BANP: variants seen among roughly 807,000 people sequenced by gnomAD.
BANP encodes the protein protein BANP.
In BANP, 11 loss-of-function variants were observed where a neutral mutation model predicts 68.1. That is an observed-to-expected ratio of 0.16 (90% CI 0.10 to 0.27). The LOEUF (loss-of-function observed/expected upper bound fraction) is 0.27, where lower values mean the gene tolerates loss of function less well. BANP is among the 10% of genes least tolerant of loss of function. The pLI, the probability that BANP is intolerant of heterozygous loss-of-function variation, is 1.00. For missense variants in BANP, 504 were observed against 722.7 expected (o/e 0.70, Z 3.47); for synonymous variants, 329 against 303.2 (o/e 1.09, Z -0.88).
intron 7 of BANP, among the ~76,000 whole-genome samples, chr16:88,025,923 G>A (rs2076899961): frequency 6.6e-6 from 1 of 152,218 alleles, no homozygotes; most frequent in Non-Finnish European, 1.5e-5. Context: ...GAGCCAGCTA[G>A]AGAGGCCACT....
At chr16:87,999,072 G>T (rs1253870008) in intron 4 of BANP, among the ~76,000 whole-genome samples, 1 of 141,798 alleles carries the variant, frequency 7.1e-6, no homozygotes, top group Non-Finnish European at 1.5e-5. Context: ...ACGTCTCCAT[G>T]CACGCACGTG....
chr16:87,958,283 T>A (rs147825661), intron 1 of BANP, among the ~76,000 whole-genome samples: 1 of 152,114 alleles, frequency 6.6e-6, no homozygotes, highest in Non-Finnish European at 1.5e-5. Flanking sequence ...ATCAATTGAG[T>A]GGGCCATGGC....
intron 4 of BANP, among the ~76,000 whole-genome samples, chr16:87,999,276 C>G (rs1311858547): frequency 1.4e-5 from 2 of 138,498 alleles, no homozygotes; most frequent in South Asian, 2.4e-4. Context: ...AGACACGTCT[C>G]CATGCATGCA....
intron 2 of BANP, among the ~76,000 whole-genome samples, chr16:87,976,181 G>C (rs2062085239): frequency 1.3e-5 from 2 of 152,334 alleles, no homozygotes; most frequent in Admixed American, 6.5e-5. Context: ...TTGGCAAATA[G>C]ATAAGTTCCT....
At chr16:88,074,795 C>T (rs1316355956) in intron 13 of BANP, among the ~76,000 whole-genome samples, 4 of 152,212 alleles carry the variant, frequency 2.6e-5, no homozygotes, top group African/African-American at 9.7e-5. Flanking sequence ...GCCTTCCCAG[C>T]TGTGGCCGGG....
At chr16:88,049,124 C>G (rs1362817110) in intron 11 of BANP, among the ~76,000 whole-genome samples, 1 of 152,078 alleles carries the variant, frequency 6.6e-6, no homozygotes, top group Non-Finnish European at 1.5e-5. Flanking sequence ...GACACGGAGA[C>G]AGCGTCGGAT....
At chr16:88,015,185 C>A (rs2074238051) in intron 6 of BANP, among the ~76,000 whole-genome samples, 1 of 147,888 alleles carries the variant, frequency 6.8e-6, no homozygotes, top group Non-Finnish European at 1.5e-5. Flanking sequence ...CCTGTGCCCT[C>A]TGCCCGTGCT....
chr16:88,057,271 T>G lies in BANP; in HGVS notation c.1312-7996T>G, dbSNP rs1007939205. ...GAGCTCACCCAGCGCGCCTGTTGCT[T>G]TGGGTGCCTCTGTGGGGAGCAGCTA... On this transcript the variant is annotated intron_variant, in intron 11 of 13. Transcript: ENST00000682872. This position sits in a 1 kb window ranked among gnomAD's most constrained non-coding sequence, Gnocchi z 4.6. Among the ~76,000 whole-genome samples, 1 of 152,146 alleles carries G rather than the reference T, an allele frequency of 6.6e-6. No homozygotes were observed. The highest frequency in any genetic ancestry group is 1.5e-5 in the Non-Finnish European group (1 of 68,016).
At position 88,059,717 on chromosome 16, in the gene BANP, G is replaced by A. The variant is rs566350199; in HGVS notation, c.1312-5550G>A. ...TCTGGGTGCTTTGGGGCTTCCCGAC[G>A]GAGACGTGTGCTACTCCTCGCGTCC... is the stretch of plus-strand genomic sequence containing the variant. On this transcript the variant is annotated intron_variant, in intron 11 of 13. Transcript: ENST00000682872. 2.4e-4 allele frequency among the ~76,000 whole-genome samples: 37 copies of A among 152,232 alleles called. 1 individual carries two copies. In the South Asian group the frequency reaches 7.1e-3, roughly 29 times the overall value.
chr16:88,070,147 GCA>G (rs2089951260), intron 12 of BANP, among the ~76,000 whole-genome samples: 1 of 152,164 alleles, frequency 6.6e-6, no homozygotes, highest in African/African-American at 2.4e-5. Flanking sequence ...GGTACACACA[GCA>G]CACAAAATAC....
At chr16:88,026,867 C>T (rs879438621) in intron 7 of BANP, among the ~76,000 whole-genome samples, 1 of 152,188 alleles carries the variant, frequency 6.6e-6, no homozygotes, top group Non-Finnish European at 1.5e-5. Context: ...GTGAGGGGGA[C>T]AGAGTAACAA....
intron 11 of BANP, among the ~76,000 whole-genome samples, chr16:88,039,104 T>A (rs1176813594): frequency 6.6e-6 from 1 of 152,144 alleles, no homozygotes; most frequent in African/African-American, 2.4e-5. Context: ...CAGAGGCACC[T>A]TGGGAGAAGG....
chr16:87,973,628 G>A (rs2061499600), intron 1 of BANP, among the ~76,000 whole-genome samples: 1 of 151,920 alleles, frequency 6.6e-6, no homozygotes, highest in African/African-American at 2.4e-5. Flanking sequence ...GTGTGGTGGC[G>A]CATGCCTGTA....
intron 4 of BANP, among the ~76,000 whole-genome samples, chr16:87,986,865 A>T (rs1383373758): frequency 6.6e-6 from 1 of 152,150 alleles, no homozygotes; most frequent in Non-Finnish European, 1.5e-5. Context: ...GTTTGAAAGA[A>T]CTGTATTGGC....
intron 1 of BANP, chr16:87,956,706 G>C (rs1402591270): frequency 1.3e-5 from 2 of 152,092 alleles, no homozygotes; most frequent in African/African-American, 4.8e-5. Context: ...TGTAGTCGTA[G>C]ACAAGCTCAG....
In BANP at chr16:88,076,775, G is replaced by A. The variant is rs2091693095; in HGVS notation, c.*114G>A. The A allele has an allele frequency of 8.4e-6, 7 of 829,066 alleles. No homozygotes were observed. In the South Asian group the frequency reaches 1.3e-4, roughly 15 times the overall value. 51.4% of individuals were successfully genotyped at this position (829,066 alleles called of 1,614,324 possible). A position where few individuals can be genotyped will look rare whatever the true frequency, so the allele number is the denominator to read the frequency against. On this transcript the variant is annotated 3_prime_UTR_variant, in exon 14 of 14. Coordinates refer to ENST00000682872, the MANE Select transcript of BANP (RefSeq NM_001386991.1). ...GCGGCTGCACGTGTTCTGCTGAAGT[G>A]CGTCTGAAGGCCGCTGCCTCCGCGG...
At chr16:88,038,589 C>T (rs935533432) in intron 11 of BANP, among the ~76,000 whole-genome samples, 9 of 152,120 alleles carry the variant, frequency 5.9e-5, no homozygotes, top group South Asian at 4.2e-4. Context: ...TGTGTATTGC[C>T]GTCAAACTCA....
chr16:88,006,947 C>CAAAAAAAAAAAAAAAAAAAA (rs11349895), intron 6 of BANP, among the ~76,000 whole-genome samples: 1 of 81,674 alleles, frequency 1.2e-5, no homozygotes, highest in Non-Finnish European at 2.3e-5. Context: ...GACTCTGTCT[C>CAAAAAAAAAAAAAAAAAAAA]AAAAAAAAAA....
chr16:87,992,615 G>A (rs7498478), intron 4 of BANP, among the ~76,000 whole-genome samples: 3 of 151,738 alleles, frequency 2.0e-5, no homozygotes, highest in Admixed American at 6.6e-5. Context: ...CTAACGAGGC[G>A]AAACCCCGTC....
Sources: allele counts gnomAD v4.1 joint callset (sites outside exome capture counted in the v4.1 genomes callset), GRCh38; gene constraint gnomAD v4.1.1; non-coding constraint Gnocchi (gnomAD v3.1); transcripts MANE v1.5; gene names NCBI Gene and HGNC (gene_info 2026-07-23, HGNC 2026-07-21).